CAMK4: variants seen among roughly 807,000 people sequenced by gnomAD.
The protein encoded by CAMK4 is calcium/calmodulin-dependent protein kinase type IV.
A neutral mutation model predicts 44.9 loss-of-function variants in CAMK4; 22 were observed. The ratio of observed to expected loss-of-function variants is 0.49; its 90% CI spans 0.35 to 0.70. CAMK4 has a LOEUF of 0.70. Among genes scored for constraint, CAMK4 ranks in the 30% least tolerant of loss-of-function variants. The probability of loss-of-function intolerance (pLI) is 0.01; values close to 1 mark genes in which losing one functional copy is unlikely to be tolerated. For missense variants in CAMK4, 498 were observed against 586.8 expected, an observed-to-expected ratio of 0.85 and a Z score of 1.56; for synonymous variants, 218 against 215.4, an observed-to-expected ratio of 1.01 and a Z score of -0.11.
At position 111,486,555 on chromosome 5, in the gene CAMK4, C is replaced by G. The variant is rs1387672424; in HGVS notation, c.*2089C>G. 1 of 130,672 alleles carries G rather than the reference C, an allele frequency of 7.7e-6. No individual in the cohort carries two copies. Among genetic ancestry groups the G allele is most frequent in the African/African-American group, 2.8e-5 (1 of 36,070 alleles). The allele number at this position is 130,672 out of a possible 1,614,324, so 8.1% of individuals were successfully genotyped here. A position where few individuals can be genotyped will look rare whatever the true frequency, so the allele number is the denominator to read the frequency against. ...CACACACACACACGTGTTGGAAGAG[C>G]AAAGAGAGGGAAGGGGGTCTTTTTA... On this transcript the variant is annotated 3_prime_UTR_variant, in exon 11 of 11. Coordinates refer to ENST00000282356, the MANE Select transcript of CAMK4 (RefSeq NM_001744.6).
At chr5:111,477,090 A>G (rs1019236127) in intron 8 of CAMK4, among the ~76,000 whole-genome samples, 4 of 151,892 alleles carry the variant, frequency 2.6e-5, no homozygotes, top group East Asian at 1.9e-4. Context: ...GCAAGGTCAG[A>G]CTCTCTCGTT....
At chr5:111,292,086 C>T (rs1161446177) in intron 1 of CAMK4, among the ~76,000 whole-genome samples, 1 of 152,142 alleles carries the variant, frequency 6.6e-6, no homozygotes, top group Non-Finnish European at 1.5e-5. Flanking sequence ...TGCACATTTG[C>T]AGCAAATTTT....
chr5:111,409,629 G>A (rs769355749), intron 5 of CAMK4, among the ~76,000 whole-genome samples: 4 of 152,188 alleles, frequency 2.6e-5, no homozygotes, highest in East Asian at 1.9e-4. Flanking sequence ...CCCAGAAAAT[G>A]GGGTTTTCTT....
intron 1 of CAMK4, among the ~76,000 whole-genome samples, chr5:111,284,906 A>G (rs1751179707): frequency 1.3e-5 from 2 of 152,200 alleles, no homozygotes; most frequent in African/African-American, 4.8e-5. Flanking sequence ...TCCTTCTAAA[A>G]TTATGACAAA....
chr5:111,241,344 C>A (rs971448132), intron 1 of CAMK4, among the ~76,000 whole-genome samples: 5 of 152,136 alleles, frequency 3.3e-5, no homozygotes, highest in African/African-American at 1.2e-4. Context: ...TACCCACCCC[C>A]AGCCCCTATG....
intron 2 of CAMK4, among the ~76,000 whole-genome samples, chr5:111,346,662 G>A (rs1006461982): frequency 2.0e-5 from 3 of 152,010 alleles, no homozygotes; most frequent in Middle Eastern, 3.4e-3. Flanking sequence ...GGCAGGGTTG[G>A]TTCCATCTTA....
rs1748768630 is a variant in CAMK4 at position 111,237,185 on chromosome 5, TGG to T, written c.161+12544_161+12545del. 2.6e-5 allele frequency among the ~76,000 whole-genome samples: 4 copies of T among 152,054 alleles called. No individual in the cohort carries two copies. The South Asian group carries it at 6.2e-4, about 24-fold the overall frequency. ...CTGAGTAATATATCAGTTGCACCCA[TGG>T]GGTTTCCACAATTGAAACTCCTTTT... On this transcript the variant is annotated intron_variant, in intron 1 of 10. Transcript: ENST00000282356.
At chr5:111,245,030 A>C (rs956825359) in intron 1 of CAMK4, among the ~76,000 whole-genome samples, 2 of 152,198 alleles carry the variant, frequency 1.3e-5, no homozygotes, top group South Asian at 4.1e-4. Flanking sequence ...TATGATGAAT[A>C]TATTGATGGA....
At chr5:111,384,452 GT>G (rs1267172759) in intron 4 of CAMK4, among the ~76,000 whole-genome samples, 4 of 152,096 alleles carry the variant, frequency 2.6e-5, no homozygotes, top group African/African-American at 9.7e-5. Flanking sequence ...ACACTCACCT[GT>G]GGCTTGAGCC....
chr5:111,424,095 C>T (rs1297290728), intron 5 of CAMK4, among the ~76,000 whole-genome samples: 2 of 152,194 alleles, frequency 1.3e-5, no homozygotes, highest in Non-Finnish European at 2.9e-5. Flanking sequence ...CACTACTATG[C>T]CCTGCTATAG....
chr5:111,284,626 C>G (rs1349021310), intron 1 of CAMK4, among the ~76,000 whole-genome samples: 1 of 152,178 alleles, frequency 6.6e-6, no homozygotes, highest in Non-Finnish European at 1.5e-5. Context: ...GCAAGAACTT[C>G]CCTGGAGCAC....
chr5:111,395,077 C>T (rs535454265), intron 5 of CAMK4, among the ~76,000 whole-genome samples: 8 of 151,504 alleles, frequency 5.3e-5, no homozygotes, highest in African/African-American at 9.7e-5. Context: ...GGTATGGTGA[C>T]GCACACCTGT....
At chr5:111,315,197 C>T (rs1748368831) in intron 1 of CAMK4, among the ~76,000 whole-genome samples, 1 of 152,110 alleles carries the variant, frequency 6.6e-6, no homozygotes, top group South Asian at 2.1e-4. Context: ...ATTTTCTCCT[C>T]AAAATTTATC....
chr5:111,227,678 A>G (rs1249150162), intron 1 of CAMK4, among the ~76,000 whole-genome samples: 2 of 152,238 alleles, frequency 1.3e-5, no homozygotes, highest in East Asian at 1.9e-4. Context: ...ACTGATCCAC[A>G]TGGAGCCATT....
At chr5:111,309,045 A>T (rs1056078678) in intron 1 of CAMK4, among the ~76,000 whole-genome samples, 1 of 152,208 alleles carries the variant, frequency 6.6e-6, no homozygotes, top group Non-Finnish European at 1.5e-5. Context: ...AGTGAATAAG[A>T]CATGGTTCTT....
chr5:111,469,718 CTG>C (rs1187183810), intron 7 of CAMK4, among the ~76,000 whole-genome samples: 1 of 152,158 alleles, frequency 6.6e-6, no homozygotes, highest in Non-Finnish European at 1.5e-5. Context: ...TACACAGTAG[CTG>C]TTGTAGCAGA....
intron 7 of CAMK4, among the ~76,000 whole-genome samples, chr5:111,465,514 A>G (rs1754795389): frequency 6.6e-6 from 1 of 152,182 alleles, no homozygotes; most frequent in African/African-American, 2.4e-5. Context: ...TGGAAACACA[A>G]CAGGAGATAC....
At chr5:111,466,318 C>G (rs759653997) in intron 7 of CAMK4, among the ~76,000 whole-genome samples, 6 of 152,150 alleles carry the variant, frequency 3.9e-5, no homozygotes, top group Non-Finnish European at 7.4e-5. Flanking sequence ...GTCACAACTT[C>G]TATTCATCAT....
intron 1 of CAMK4, among the ~76,000 whole-genome samples, chr5:111,230,345 A>T (rs1039331739): frequency 8.5e-5 from 13 of 152,194 alleles, no homozygotes; most frequent in Non-Finnish European, 1.2e-4. Flanking sequence ...GGTGTATCAG[A>T]ATTAGGAGTT....
Sources: gnomAD v4.1 joint callset for allele counts (sites outside exome capture counted in the v4.1 genomes callset) on GRCh38, gnomAD v4.1.1 for gene constraint, MANE v1.5 for transcripts, NCBI Gene and HGNC (gene_info 2026-07-23, HGNC 2026-07-21) for gene names.